TLCD4: variants seen among roughly 807,000 people sequenced by gnomAD.
The protein encoded by TLCD4 is TLC domain-containing protein 4.
A neutral mutation model predicts 24.2 loss-of-function variants in TLCD4; 7 were observed. The observed-to-expected ratio is 0.29, with a 90% confidence interval of 0.16 to 0.54. The LOEUF is 0.54. TLCD4 is among the 20% of genes least tolerant of loss of function. The pLI is 0.95. For missense variants in TLCD4, 259 were observed against 313.9 expected, an observed-to-expected ratio of 0.82 and a Z score of 1.32; for synonymous variants, 103 against 106.4, an observed-to-expected ratio of 0.97 and a Z score of 0.20.
rs1288579089 is a variant in TLCD4, at chr1:95,196,643, T to C, written c.*4775T>C. 6.6e-6 allele frequency: 1 copy of C among 152,218 alleles called. No homozygotes were observed. Among genetic ancestry groups the C allele is most frequent in the African/African-American group, 2.4e-5 (1 of 41,462 alleles). The allele number at this position is 152,218 out of a possible 1,614,324, so 9.4% of individuals were successfully genotyped here. The stretch of plus-strand genomic sequence containing the variant: ...TGGACCATTTTGATATCAGGCCCTA[T>C]ACATAAGACCAAAACCAGAAATATT... On this transcript the variant is annotated 3_prime_UTR_variant, in exon 7 of 7. Coordinates refer to ENST00000370203, the MANE Select transcript of TLCD4 (RefSeq NM_152487.3).
chr1:95,144,145 G>A (rs572050121), intron 2 of TLCD4, 89 bp downstream of exon 2: 7 of 1,238,312 alleles, frequency 5.7e-6, no homozygotes, highest in Middle Eastern at 3.1e-4. Context: ...TTTCATTTAG[G>A]ATCTAATGTA....
chr1:95,137,191 A>C (rs1677067295), intron 1 of TLCD4, among the ~76,000 whole-genome samples: 1 of 152,188 alleles, frequency 6.6e-6, no homozygotes, highest in South Asian at 2.1e-4. Context: ...AAATGGGAAG[A>C]AACCTCATCT....
intron 6 of TLCD4, among the ~76,000 whole-genome samples, chr1:95,185,561 G>A (rs78282816): frequency 0.025 from 3,878 of 152,130 alleles, 75 homozygotes; most frequent in East Asian, 0.075. Context: ...CCACCTTTGC[G>A]ACAGCAAGTC....
At chr1:95,182,437 A>G (rs1223111320) in intron 6 of TLCD4, among the ~76,000 whole-genome samples, 2 of 152,188 alleles carry the variant, frequency 1.3e-5, no homozygotes, top group East Asian at 1.9e-4. Context: ...AAAAAGACAC[A>G]TACTCAGAAG....
chr1:95,191,977 A>G lies in TLCD4; in HGVS notation c.*109A>G. ...TTCTTAATTATAATTGTTATTCAGGATTTCAGTGTCATTTTTTTTAAACCT... is the reference window on the plus strand; with the variant it reads ...TTCTTAATTATAATTGTTATTCAGGGTTTCAGTGTCATTTTTTTTAAACCT... On this transcript the variant is annotated 3_prime_UTR_variant, in exon 7 of 7. Coordinates refer to ENST00000370203, the MANE Select transcript of TLCD4 (RefSeq NM_152487.3). The G allele has an allele frequency of 6.8e-7, 1 of 1,460,450 alleles. No individual in the cohort carries two copies. The highest frequency in any genetic ancestry group is 2.7e-5 in the Admixed American group (1 of 36,690). 90.5% of individuals were successfully genotyped at this position (1,460,450 alleles called of 1,614,324 possible).
chr1:95,107,701 TGTTA>T, the TLCD4 span, among the ~76,000 whole-genome samples: 2 of 152,134 alleles, frequency 1.3e-5, no homozygotes, highest in African/African-American at 4.8e-5. Context: ...ATAGGGAACA[TGTTA>T]GTTCTGATTT....
chr1:95,092,815 G>A, the TLCD4 span, among the ~76,000 whole-genome samples: 3 of 152,308 alleles, frequency 2.0e-5, no homozygotes, highest in South Asian at 2.1e-4. Context: ...CTTGGCTCAC[G>A]GCAACTTCTG....
chr1:95,096,029 A>C, the TLCD4 span, among the ~76,000 whole-genome samples: 1 of 152,262 alleles, frequency 6.6e-6, no homozygotes, highest in African/African-American at 2.4e-5. Context: ...TAGTCATTGC[A>C]TCAGAAAGTA....
rs186005966 is a variant in TLCD4 at position 95,195,390 on chromosome 1, T to C, written c.*3522T>C. ...CCAAAAGATGCTGTTAAAATAAATA[T>C]TTGAACACGTTTTCTGTTTCTAGGT... On this transcript the variant is annotated 3_prime_UTR_variant, in exon 7 of 7. Coordinates refer to ENST00000370203, the MANE Select transcript of TLCD4 (RefSeq NM_152487.3). 2.0e-5 allele frequency: 3 copies of C among 152,314 alleles called. No homozygotes were observed. The highest frequency in any genetic ancestry group is 3.9e-4 in the East Asian group (2 of 5,190). The allele number at this position is 152,314 out of a possible 1,614,324, so 9.4% of individuals were successfully genotyped here. A position where few individuals can be genotyped will look rare whatever the true frequency, so the allele number is the denominator to read the frequency against.
chr1:95,145,497 C>A lies in TLCD4; in HGVS notation c.155+1441C>A, dbSNP rs145900577. ...CAAGAATTATTTCTCCACATATTTTCAAAAAATAAGCAGTATGATTATTTT... is the reference window on the plus strand; with the variant it reads ...CAAGAATTATTTCTCCACATATTTTAAAAAAATAAGCAGTATGATTATTTT... On this transcript the variant is annotated intron_variant, in intron 2 of 6. Coordinates refer to ENST00000370203, the MANE Select transcript of TLCD4 (RefSeq NM_152487.3). Among the ~76,000 whole-genome samples the A allele has an allele frequency of 5.4e-3, 822 of 151,840 alleles. 3 individuals are homozygous for A. Among genetic ancestry groups the A allele is most frequent in the Non-Finnish European group, 6.7e-3 (457 of 67,924 alleles).
intron 1 of TLCD4, among the ~76,000 whole-genome samples, chr1:95,133,458 C>T (rs1445911192): frequency 6.6e-6 from 1 of 151,810 alleles, no homozygotes; most frequent in African/African-American, 2.4e-5. Flanking sequence ...CAAAAGATTC[C>T]CAAGAAGGCC....
chr1:95,101,258 G>A, the TLCD4 span, among the ~76,000 whole-genome samples: 3 of 151,604 alleles, frequency 2.0e-5, no homozygotes, highest in African/African-American at 7.3e-5. Flanking sequence ...TTTTATTTTT[G>A]TTTCATTTAT....
the TLCD4 span, among the ~76,000 whole-genome samples, chr1:95,092,566 C>T: frequency 5.9e-5 from 9 of 152,282 alleles, no homozygotes; most frequent in South Asian, 1.9e-3. Flanking sequence ...ACTGCTCACT[C>T]TTTAGGTCTA....
At chr1:95,130,155 T>C (rs1032729202) in intron 1 of TLCD4, among the ~76,000 whole-genome samples, 1 of 151,208 alleles carries the variant, frequency 6.6e-6, no homozygotes, top group African/African-American at 2.4e-5. Context: ...TTTATTTTAT[T>C]TAATTTATTT....
At chr1:95,104,702 C>T in the TLCD4 span, among the ~76,000 whole-genome samples, 1 of 129,098 alleles carries the variant, frequency 7.7e-6, no homozygotes, top group African/African-American at 2.7e-5. Context: ...GCCTAATCTA[C>T]TGAACATCAT....
At chr1:95,135,877 C>A (rs1677028144) in intron 1 of TLCD4, among the ~76,000 whole-genome samples, 1 of 151,950 alleles carries the variant, frequency 6.6e-6, no homozygotes, top group South Asian at 2.1e-4. Context: ...CACCACCACA[C>A]CTGGTTAATT....
chr1:95,164,323 G>GTGTGCTGTTTGT (rs1677939114), intron 5 of TLCD4: 1 of 152,388 alleles, frequency 6.6e-6, no homozygotes, highest in Non-Finnish European at 1.5e-5. Flanking sequence ...TAATCTCCTG[G>GTGTGCTGTTTGT]TGTGCTGTTT....
intron 6 of TLCD4, 88 bp from the exon 7 acceptor site, chr1:95,191,462 T>G: frequency 6.7e-7 from 1 of 1,481,484 alleles, no homozygotes; most frequent in East Asian, 2.3e-5. Context: ...CCTCCTTCAC[T>G]GAATTTTAAA....
chr1:95,191,733 G>A lies in TLCD4; in HGVS notation c.657G>A (p.Trp219Ter). Residue 219 changes from tryptophan to a stop codon, truncating the protein, a stop_gained, in exon 7 of 7, where the codon TGG becomes TGA. Transcript: ENST00000370203. LOFTEE classifies it high-confidence loss of function. ...TTGGAGTTTTAATCCAGTTATCCTG[G>A]GTCATTAGTTGTGTTGTTTTGGATG... ...IRLGVLIQLS[W>*]VISCVVLDVM... 1 of 1,614,094 alleles carries A rather than the reference G, an allele frequency of 6.2e-7. No individual in the cohort carries two copies. Among genetic ancestry groups the A allele is most frequent in the Non-Finnish European group, 8.5e-7 (1 of 1,180,022 alleles).
Sources: allele counts gnomAD v4.1 joint callset (sites outside exome capture counted in the v4.1 genomes callset), GRCh38; gene constraint gnomAD v4.1.1; transcripts MANE v1.5; gene names NCBI Gene and HGNC (gene_info 2026-07-23, HGNC 2026-07-21).